LCK: variants seen among roughly 807,000 people sequenced by gnomAD.
LCK encodes the protein LCK proto-oncogene, Src family tyrosine kinase, also known as tyrosine-protein kinase Lck.
In LCK, 14 loss-of-function variants were observed where a neutral mutation model predicts 64.6. That is an observed-to-expected ratio of 0.22 (90% CI 0.14 to 0.34). The LOEUF (loss-of-function observed/expected upper bound fraction) is 0.34. Among genes scored for constraint, LCK ranks in the 10% least tolerant of loss-of-function variants. The pLI is 1.00. For missense variants in LCK, 434 were observed against 668.1 expected (o/e 0.65, Z 3.86); for synonymous variants, 277 against 263.6 (o/e 1.05, Z -0.49).
intron 12 of LCK, among the ~76,000 whole-genome samples, chr1:32,281,110 G>A (rs927802985): frequency 3.3e-5 from 5 of 151,958 alleles, no homozygotes; most frequent in Non-Finnish European, 7.4e-5. Flanking sequence ...TTGGTGGCAT[G>A]TGCCTCTAGT....
At chr1:32,281,324 G>T (rs1432049268) in intron 12 of LCK, among the ~76,000 whole-genome samples, 18 of 151,502 alleles carry the variant, frequency 1.2e-4, no homozygotes, top group Admixed American at 3.3e-4. Context: ...GCTGGGCATG[G>T]TGGCACACAC....
Position 32,279,731 on chromosome 1 carries a change from T to C in LCK, c.1025T>C (p.Leu342Pro). ...ATCAAGTTGACCATCAACAAACTCC[T>C]GGACATGGCAGCCCAAGTAAGGAGA... ...SGIKLTINKLLDMAAQIAEGM... is the reference protein window; with the variant it reads ...SGIKLTINKLPDMAAQIAEGM... The change falls in exon 10 of 13, where the codon CTG becomes CCG. Residue 342 changes from leucine to proline, a missense_variant. By Grantham distance (98) the Leu-to-Pro change is moderately conservative (BLOSUM62 -3). Coordinates refer to ENST00000336890, the MANE Select transcript of LCK (RefSeq NM_005356.5). 6.2e-7 allele frequency: 1 copy of C among 1,612,338 alleles called. No homozygotes were observed. Among genetic ancestry groups the C allele is most frequent in the East Asian group, 2.2e-5 (1 of 44,790 alleles).
At chr1:32,267,618 G>C (rs369235739) in intron 1 of LCK, among the ~76,000 whole-genome samples, 1 of 152,110 alleles carries the variant, frequency 6.6e-6, no homozygotes, top group Non-Finnish European at 1.5e-5. Context: ...AAATTAGGCC[G>C]GGCATGGTGG....
At chr1:32,282,276 A>T (rs1278474653) in intron 12 of LCK, among the ~76,000 whole-genome samples, 5 of 152,196 alleles carry the variant, frequency 3.3e-5, no homozygotes, top group Non-Finnish European at 7.3e-5. Flanking sequence ...TTAGAAGAAA[A>T]TAGGCAGTGA....
At position 32,275,665 on chromosome 1, in the gene LCK, C is replaced by T. The variant is rs1569954423; in HGVS notation, c.474C>T (p.Ser158=). 6.4e-7 allele frequency: 1 copy of T among 1,562,834 alleles called. No individual in the cohort carries two copies. Among genetic ancestry groups the T allele is most frequent in the Non-Finnish European group, 8.7e-7 (1 of 1,155,274 alleles). The change falls in exon 6 of 13, where the codon AGC becomes AGT. Residue 158 remains serine (S), a synonymous_variant. Coordinates refer to ENST00000336890, the MANE Select transcript of LCK (RefSeq NM_005356.5). The surrounding 1 kb of genome is among the most constrained non-coding windows in gnomAD (Gnocchi z 6.9). The stretch of plus-strand genomic sequence containing the variant: ...CCTTCCTCATCCGGGAGAGCGAGAG[C>T]ACCGCGGGTGAGCGGGCGGCGGTCT... The part of the protein sequence containing the change: ...HGSFLIRESE[S]TAGSFSLSVR...
chr1:32,258,152 G>A (rs1639673231), intron 1 of LCK, among the ~76,000 whole-genome samples: 1 of 151,992 alleles, frequency 6.6e-6, no homozygotes, highest in East Asian at 1.9e-4. Context: ...GCTTGGTGGT[G>A]TGTACCTGTG....
intron 12 of LCK, among the ~76,000 whole-genome samples, chr1:32,282,429 G>GT (rs1424310047): frequency 6.6e-6 from 1 of 152,138 alleles, no homozygotes; most frequent in East Asian, 1.9e-4. Flanking sequence ...CAGATCTTTT[G>GT]TTTTTTTAAG....
chr1:32,275,162 C>T lies in LCK; in HGVS notation c.278+79C>T. 1 of 1,496,190 alleles carries T rather than the reference C, an allele frequency of 6.7e-7. No individual in the cohort carries two copies. Among genetic ancestry groups the T allele is most frequent in the Admixed American group, 1.7e-5 (1 of 57,530 alleles). The allele number at this position is 1,496,190 out of a possible 1,614,324, so 92.7% of individuals were successfully genotyped here. On this transcript the variant is annotated intron_variant, in intron 4 of 12. Transcript: ENST00000336890. The surrounding 1 kb of genome is among the most constrained non-coding windows in gnomAD (Gnocchi z 6.9). ...CGCGACCCGCAGCCCTCCTGCGGCC[C>T]TTGACCAGCTCGGGGTGGCCGCCCT...
At chr1:32,272,005 T>C (rs1462098094) in intron 1 of LCK, among the ~76,000 whole-genome samples, 2 of 151,982 alleles carry the variant, frequency 1.3e-5, no homozygotes, top group Non-Finnish European at 2.9e-5. Flanking sequence ...TCAGACTAGG[T>C]GATATTTAGG....
At chr1:32,270,201 C>T (rs1480388063) in intron 1 of LCK, among the ~76,000 whole-genome samples, 1 of 151,722 alleles carries the variant, frequency 6.6e-6, no homozygotes, top group African/African-American at 2.4e-5. Flanking sequence ...CTCACTGCAA[C>T]CTCCACCTCT....
chr1:32,279,519 A>G, intron 9 of LCK, 152 bp from the exon 10 acceptor site: 1 of 1,480,182 alleles, frequency 6.8e-7, no homozygotes, highest in Non-Finnish European at 9.2e-7. Flanking sequence ...TATCCTGGGC[A>G]TCCTTACCCT....
chr1:32,263,643 G>A (rs560601866), intron 1 of LCK, among the ~76,000 whole-genome samples: 72 of 151,830 alleles, frequency 4.7e-4, no homozygotes, highest in Admixed American at 2.6e-3. Flanking sequence ...GGAGGCCAAG[G>A]TGGCAGGTTA....
intron 9 of LCK, among the ~76,000 whole-genome samples, chr1:32,277,949 G>A (rs935935561): frequency 6.6e-6 from 1 of 152,194 alleles, no homozygotes; most frequent in Admixed American, 6.5e-5. Context: ...GCCAAGGTGG[G>A]TGGATCACTT....
At chr1:32,262,241 C>T (rs1415163366) in intron 1 of LCK, among the ~76,000 whole-genome samples, 2 of 142,182 alleles carry the variant, frequency 1.4e-5, no homozygotes, top group Non-Finnish European at 3.1e-5. Flanking sequence ...TGGCTCACAC[C>T]TGTAATCCCA....
At chr1:32,269,069 G>A (rs1333485221) in intron 1 of LCK, among the ~76,000 whole-genome samples, 1 of 144,802 alleles carries the variant, frequency 6.9e-6, no homozygotes, top group Non-Finnish European at 1.5e-5. Flanking sequence ...AGTGAGCCCA[G>A]ATCACACCAC....
chr1:32,261,671 A>G (rs948692229), intron 1 of LCK, among the ~76,000 whole-genome samples: 10 of 134,994 alleles, frequency 7.4e-5, no homozygotes, highest in East Asian at 5.1e-4. Context: ...AAAAAAAAAA[A>G]GGGCCAGGTG....
intron 1 of LCK, among the ~76,000 whole-genome samples, chr1:32,256,348 A>G (rs149083938): frequency 4.1e-4 from 62 of 152,002 alleles, no homozygotes; most frequent in African/African-American, 1.4e-3. Flanking sequence ...TAAACTCCCA[A>G]CACTTTGGGA....
chr1:32,275,236 C>A lies in LCK; in HGVS notation c.279-85C>A. On this transcript the variant is annotated intron_variant, in intron 4 of 12. Coordinates refer to ENST00000336890, the MANE Select transcript of LCK (RefSeq NM_005356.5). The surrounding 1 kb of genome is among the most constrained non-coding windows in gnomAD (Gnocchi z 6.9). ...ATTGCTGAGCCAGGGTTGGGGGAGG[C>A]TGGCTTAAGGGGTGGAGGGGTCTTT... The A allele has an allele frequency of 2.0e-6, 3 of 1,511,472 alleles. No individual in the cohort carries two copies. Among genetic ancestry groups the A allele is most frequent in the Admixed American group, 1.7e-5 (1 of 58,704 alleles). 93.6% of individuals were successfully genotyped at this position (1,511,472 alleles called of 1,614,324 possible). A position where few individuals can be genotyped will look rare whatever the true frequency, so the allele number is the denominator to read the frequency against.
At chr1:32,255,796 A>ATTTTTTTTTTTTTTTTTTTTTTTTTTTTT in intron 1 of LCK, among the ~76,000 whole-genome samples, 1 of 142,602 alleles carries the variant, frequency 7.0e-6, no homozygotes, top group African/African-American at 2.7e-5. Context: ...TACCCATTAA[A>ATTTTTTTTTTTTTTTTTTTTTTTTTTTTT]TTTATTTTTT....
Sources: allele counts gnomAD v4.1 joint callset (sites outside exome capture counted in the v4.1 genomes callset), GRCh38; gene constraint gnomAD v4.1.1; non-coding constraint Gnocchi (gnomAD v3.1); transcripts MANE v1.5; gene names NCBI Gene and HGNC (gene_info 2026-07-23, HGNC 2026-07-21).